Variants in NCKAP1L observed in about 807,000 individuals in gnomAD.
NCKAP1L encodes NCK associated protein 1 like.
Under a neutral mutation model 139.2 loss-of-function variants are expected in NCKAP1L, and 53 were observed. That is an observed-to-expected ratio of 0.38 (90% CI 0.31 to 0.48). The LOEUF is 0.48. Among genes scored for constraint, NCKAP1L ranks in the 20% least tolerant of loss-of-function variants. NCKAP1L has a pLI of 0.98. For synonymous variants in NCKAP1L, 468 were observed against 499.7 expected (o/e 0.94, Z 0.85); for missense variants, 1,151 against 1,381.9 (o/e 0.83, Z 2.65).
intron 17 of NCKAP1L, 103 bp downstream of exon 17, chr12:54,520,929 C>G: frequency 6.6e-7 from 1 of 1,525,198 alleles, no homozygotes; most frequent in Non-Finnish European, 9.1e-7. Context: ...AGGGTATAAA[C>G]ATAGATGTAT....
intron 2 of NCKAP1L, among the ~76,000 whole-genome samples, chr12:54,499,987 C>T (rs1956783973): frequency 6.6e-6 from 1 of 152,160 alleles, no homozygotes; most frequent in Non-Finnish European, 1.5e-5. Flanking sequence ...TCATTTAGCC[C>T]TCTGTATCTA....
chr12:54,534,997 T>TA (rs35109342), intron 26 of NCKAP1L, 107 bp from the exon 27 acceptor site: 44,176 of 676,802 alleles, frequency 0.065, 921 homozygotes, highest in African/African-American at 0.11. Context: ...AAAGCATCTT[T>TA]AAAAAAAAAA....
intron 5 of NCKAP1L, among the ~76,000 whole-genome samples, chr12:54,508,889 G>C (rs1371343233): frequency 1.3e-5 from 2 of 152,166 alleles, no homozygotes; most frequent in African/African-American, 4.8e-5. Context: ...ATACGTGGGA[G>C]TCTTGGAACC....
intron 4 of NCKAP1L, 29 bp downstream of exon 4, chr12:54,507,938 G>T: frequency 6.2e-7 from 1 of 1,608,288 alleles, no homozygotes; most frequent in South Asian, 1.1e-5. Context: ...CTCTTCTATC[G>T]TAGAGTCAAA....
chr12:54,532,035 G>A (rs1957076263), intron 25 of NCKAP1L, 135 bp from the exon 26 acceptor site: 1 of 783,262 alleles, frequency 1.3e-6, no homozygotes, highest in African/African-American at 1.7e-5. Flanking sequence ...GGCATAAGGA[G>A]AGGGATGGCT....
At chr12:54,507,501 C>T (rs1009556536) in intron 3 of NCKAP1L, among the ~76,000 whole-genome samples, 12 of 152,250 alleles carry the variant, frequency 7.9e-5, no homozygotes, top group African/African-American at 2.6e-4. Flanking sequence ...TTTGTCAATA[C>T]GAATCGTTTG....
At chr12:54,511,213 T>G (rs185875355) in intron 7 of NCKAP1L, among the ~76,000 whole-genome samples, 10 of 152,340 alleles carry the variant, frequency 6.6e-5, no homozygotes, top group Admixed American at 5.2e-4. Context: ...ATTAAAAATA[T>G]CTGAACTGTT....
chr12:54,532,333 G>T (rs995825390), intron 26 of NCKAP1L, 83 bp downstream of exon 26: 37 of 1,107,178 alleles, frequency 3.3e-5, no homozygotes, highest in Middle Eastern at 2.1e-4. Context: ...AAGGGAGAGC[G>T]GGTTCTGAAG....
At chr12:54,512,993 A>G (rs927908365) in intron 9 of NCKAP1L, among the ~76,000 whole-genome samples, 11 of 152,160 alleles carry the variant, frequency 7.2e-5, no homozygotes, top group Non-Finnish European at 1.6e-4. Context: ...TTGAGGATGA[A>G]TTTGGAGAGG....
chr12:54,523,308 C>G (rs1412607710), intron 18 of NCKAP1L, 86 bp from the exon 19 acceptor site: 2 of 1,453,748 alleles, frequency 1.4e-6, no homozygotes, highest in Non-Finnish European at 1.9e-6. Flanking sequence ...TAACAGACAA[C>G]AATGGACAAC....
chr12:54,502,292 T>G (rs929987962), intron 3 of NCKAP1L, among the ~76,000 whole-genome samples: 2 of 152,214 alleles, frequency 1.3e-5, no homozygotes, highest in African/African-American at 4.8e-5. Flanking sequence ...CTCAACAGGT[T>G]TCAGATTTTG....
chr12:54,518,551 C>A lies in NCKAP1L; in HGVS notation c.1339-100C>A, dbSNP rs778699270. On this transcript the variant is annotated intron_variant, in intron 13 of 30. Transcript: ENST00000293373. ...TTTTCTCTCTGTTTTTAACACTTAG[C>A]AATTCTTTCTACCTTCATACGCTGA... is the stretch of plus-strand genomic sequence containing the variant. 20 of 926,742 alleles carry A rather than the reference C, an allele frequency of 2.2e-5. No individual in the cohort carries two copies. The South Asian group carries it at 2.5e-4, about 11-fold the overall frequency. The allele number at this position is 926,742 out of a possible 1,614,324, so 57.4% of individuals were successfully genotyped here.
At chr12:54,512,435 G>A (rs1170128826) in intron 9 of NCKAP1L, 4 of 226,956 alleles carry the variant, frequency 1.8e-5, no homozygotes, top group East Asian at 1.0e-4. Flanking sequence ...TCTATAAAAT[G>A]TGGATAATAG....
intron 30 of NCKAP1L, among the ~76,000 whole-genome samples, chr12:54,540,182 T>C (rs1312510787): frequency 2.6e-5 from 4 of 152,230 alleles, no homozygotes; most frequent in African/African-American, 7.2e-5. Flanking sequence ...ATGTGGTATG[T>C]GGACCTCCAT....
intron 3 of NCKAP1L, among the ~76,000 whole-genome samples, chr12:54,505,421 A>G (rs956418161): frequency 1.4e-5 from 2 of 145,532 alleles, no homozygotes; most frequent in African/African-American, 5.1e-5. Context: ...GAATATTTCC[A>G]TCACCCCAAG....
intron 9 of NCKAP1L, 65 bp from the exon 10 acceptor site, chr12:54,516,174 G>A: frequency 6.4e-7 from 1 of 1,559,004 alleles, no homozygotes. Context: ...TGAGGACTGG[G>A]AAGGTGAGGC....
At chr12:54,517,451 T>C in intron 11 of NCKAP1L, 82 bp from the exon 12 acceptor site, 1 of 901,804 alleles carries the variant, frequency 1.1e-6, no homozygotes, top group South Asian at 1.4e-5. Context: ...CATCCATACC[T>C]ATATTATCAT....
chr12:54,514,326 C>CT (rs35147448), intron 9 of NCKAP1L, among the ~76,000 whole-genome samples: 46,275 of 146,316 alleles, frequency 0.32, 7,722 homozygotes, highest in East Asian at 0.74. Flanking sequence ...TTTTTATTTT[C>CT]TTTTTTTTTT....
At chr12:54,510,421 T>C (rs1375387560) in intron 7 of NCKAP1L, 1 of 387,676 alleles carries the variant, frequency 2.6e-6, no homozygotes, top group Admixed American at 2.8e-5. Flanking sequence ...CCTCCTGGGC[T>C]CAAGTGATCC....
Sources: gnomAD v4.1 joint callset for allele counts (sites outside exome capture counted in the v4.1 genomes callset) on GRCh38, gnomAD v4.1.1 for gene constraint, MANE v1.5 for transcripts, NCBI Gene and HGNC (gene_info 2026-07-23, HGNC 2026-07-21) for gene names.